TXLNG: variants seen among roughly 807,000 people sequenced by gnomAD.
The protein encoded by TXLNG is taxilin gamma.
In TXLNG, 5 loss-of-function variants were observed where a neutral mutation model predicts 38.8. That is an observed-to-expected ratio of 0.13 (90% CI 0.07 to 0.27). The LOEUF is 0.27. Ranked by LOEUF, TXLNG falls within the 10% of genes least tolerant of loss-of-function variation. TXLNG has a pLI of 1.00. For missense variants in TXLNG, 393 were observed against 398.2 expected, an observed-to-expected ratio of 0.99 and a Z score of 0.11; for synonymous variants, 182 against 158.2, an observed-to-expected ratio of 1.15 and a Z score of -1.13.
rs1291352062 is a variant in TXLNG at position 16,843,273 on chromosome X, C to G, written c.*1507C>G. 1 of 112,076 alleles carries G rather than the reference C, an allele frequency of 8.9e-6. No homozygotes were observed. Among genetic ancestry groups the G allele is most frequent in the Non-Finnish European group, 1.9e-5 (1 of 53,238 alleles). The allele number at this position is 112,076 out of a possible 1,213,427, so 9.2% of individuals were successfully genotyped here. Reference sequence around the variant, plus strand: ...GTTATTTGTAAAGTCCTGTCACATTCATGGTCGAAACTGGGTTGAAAGAAT... The same window carrying G: ...GTTATTTGTAAAGTCCTGTCACATTGATGGTCGAAACTGGGTTGAAAGAAT... On this transcript the variant is annotated 3_prime_UTR_variant, in exon 10 of 10. Coordinates refer to ENST00000380122, the MANE Select transcript of TXLNG (RefSeq NM_018360.3).
rs942615948 is a variant in TXLNG at position 16,842,727 on chromosome X, A to G, written c.*961A>G. On this transcript the variant is annotated 3_prime_UTR_variant, in exon 10 of 10. Transcript: ENST00000380122. The stretch of plus-strand genomic sequence containing the variant: ...AAAAATTCCACCAGCAAAGTACTCC[A>G]GGTTTTTCAAAAGGGAATTTTCATT... 1 of 112,277 alleles carries G rather than the reference A, an allele frequency of 8.9e-6. No homozygotes were observed. Among genetic ancestry groups the G allele is most frequent in the Admixed American group, 9.4e-5 (1 of 10,594 alleles). 9.3% of individuals were successfully genotyped at this position (112,277 alleles called of 1,213,427 possible). A position where few individuals can be genotyped will look rare whatever the true frequency, so the allele number is the denominator to read the frequency against.
At chrX:16,823,086 G>A (rs1929034926) in intron 3 of TXLNG, among the ~76,000 whole-genome samples, 1 of 111,683 alleles carries the variant, frequency 9.0e-6, no homozygotes, top group Non-Finnish European at 1.9e-5. Context: ...CTTTTATACA[G>A]ATTTGTGCCA....
rs766255568 is a variant in TXLNG at position 16,806,849 on chromosome X, G to A, written c.103-11725G>A. ...GGAGAATTGCTTGAACTCGGGAGGC[G>A]GAGGTTGCAGTGAGCCGAGGTCGTG... is the stretch of plus-strand genomic sequence containing the variant. On this transcript the variant is annotated intron_variant, in intron 1 of 9. Transcript: ENST00000380122. 6.5e-5 allele frequency among the ~76,000 whole-genome samples: 7 copies of A among 107,209 alleles called. No individual in the cohort carries two copies. The East Asian group carries it at 1.2e-3, about 18-fold the overall frequency. The allele number at this position is 107,209 out of a possible 115,157, so 93.1% of individuals were successfully genotyped here.
chrX:16,814,650 T>TGTA (rs1928664671), intron 1 of TXLNG, among the ~76,000 whole-genome samples: 11 of 109,852 alleles, frequency 1.0e-4, no homozygotes, highest in Admixed American at 8.8e-4. Context: ...AGGCCACATA[T>TGTA]TGTATAGCTC....
intron 1 of TXLNG, among the ~76,000 whole-genome samples, chrX:16,802,471 G>C (rs1462692182): frequency 9.1e-6 from 1 of 110,115 alleles, no homozygotes; most frequent in Admixed American, 9.8e-5. Flanking sequence ...GGCTGGTCTT[G>C]AACTCCTGAC....
intron 4 of TXLNG, 41 bp from the exon 5 acceptor site, chrX:16,829,535 A>G: frequency 8.7e-7 from 1 of 1,154,086 alleles, no homozygotes; most frequent in Non-Finnish European, 1.2e-6. Flanking sequence ...CATCTTCTCT[A>G]TAGGTCTGTA....
chrX:16,835,527 C>T (rs1929558159), intron 7 of TXLNG, among the ~76,000 whole-genome samples: 1 of 111,526 alleles, frequency 9.0e-6, no homozygotes, highest in Non-Finnish European at 1.9e-5. Context: ...GGAGAAGGTA[C>T]GAAGTCTCCA....
In TXLNG at chrX:16,843,066, G is replaced by A. The variant is rs748557096; in HGVS notation, c.*1300G>A. The A allele has an allele frequency of 4.4e-5, 5 of 112,529 alleles. No individual in the cohort carries two copies. Among genetic ancestry groups the A allele is most frequent in the Admixed American group, 9.4e-5 (1 of 10,631 alleles). The allele number at this position is 112,529 out of a possible 1,213,427, so 9.3% of individuals were successfully genotyped here. On this transcript the variant is annotated 3_prime_UTR_variant, in exon 10 of 10. Coordinates refer to ENST00000380122, the MANE Select transcript of TXLNG (RefSeq NM_018360.3). ...GATTAATCAGGCTGCACTGATGGAA[G>A]TTTTGACTTTGTCCCTGGTATAATT...
chrX:16,829,692 C>T lies in TXLNG; in HGVS notation c.786C>T (p.Asn262=), dbSNP rs747873072. The T allele has an allele frequency of 3.8e-5, 46 of 1,210,229 alleles. No homozygotes were observed. Among genetic ancestry groups the T allele is most frequent in the Non-Finnish European group, 4.9e-5 (44 of 895,310 alleles). The change falls in exon 5 of 10, where the codon AAC becomes AAT. Residue 262 remains asparagine (N), a synonymous_variant. Coordinates refer to ENST00000380122, the MANE Select transcript of TXLNG (RefSeq NM_018360.3). ...AGCTGGAGCAGCATGACATCCACAA[C>T]GCCAAACTCCGACAGGAAAACATTG... ...QAQLEQHDIH[N]AKLRQENIEL...
intron 1 of TXLNG, among the ~76,000 whole-genome samples, chrX:16,815,946 A>T (rs1333446752): frequency 9.0e-6 from 1 of 111,276 alleles, no homozygotes; most frequent in African/African-American, 3.3e-5. Flanking sequence ...ATGACATTTC[A>T]ATATTTGATT....
Position 16,786,529 on chromosome X carries a change from C to G in TXLNG, c.42C>G (p.Gly14=). 1 of 1,104,373 alleles carries G rather than the reference C, an allele frequency of 9.1e-7. No individual in the cohort carries two copies. The highest frequency in any genetic ancestry group is 1.2e-6 in the Non-Finnish European group (1 of 845,901). 91.0% of individuals were successfully genotyped at this position (1,104,373 alleles called of 1,213,427 possible). The change falls in exon 1 of 10, where the codon GGC becomes GGG. Residue 14 remains glycine (G), a synonymous_variant. Coordinates refer to ENST00000380122, the MANE Select transcript of TXLNG (RefSeq NM_018360.3). ...AGGAGGCAGCGCGGGGAAGAGGCGG[C>G]GGCGCCGAAGAGGCGACTGAGGCCG... ...RVEEAARGRG[G]GAEEATEAGR...
chrX:16,829,929 A>G (rs1041131597), intron 5 of TXLNG, among the ~76,000 whole-genome samples, 159 bp downstream of exon 5: 6 of 111,132 alleles, frequency 5.4e-5, no homozygotes, highest in Non-Finnish European at 1.9e-5. Flanking sequence ...CACAAATGAG[A>G]TCATCACTTG....
chrX:16,799,263 G>T (rs1191049084), intron 1 of TXLNG, among the ~76,000 whole-genome samples: 1 of 111,117 alleles, frequency 9.0e-6, no homozygotes, highest in Admixed American at 9.7e-5. Context: ...ATGGATACTT[G>T]GGTATTCATC....
chrX:16,801,097 C>T (rs1453264146), intron 1 of TXLNG, among the ~76,000 whole-genome samples: 2 of 112,975 alleles, frequency 1.8e-5, no homozygotes, highest in African/African-American at 3.2e-5. Flanking sequence ...TCGCCAGAAG[C>T]GATGCCAGCG....
Position 16,841,635 on chromosome X carries a change from C to T in TXLNG, c.1456C>T (p.His486Tyr). The T allele has an allele frequency of 1.7e-6, 2 of 1,211,576 alleles. No homozygotes were observed. Among genetic ancestry groups the T allele is most frequent in the Non-Finnish European group, 2.2e-6 (2 of 895,531 alleles). The change falls in exon 10 of 10, where the codon CAC becomes TAC. Residue 486 changes from histidine (H) to tyrosine (Y), a missense_variant. Physicochemically the swap from His to Tyr is moderately conservative, Grantham distance 83 (BLOSUM62 2). Coordinates refer to ENST00000380122, the MANE Select transcript of TXLNG (RefSeq NM_018360.3). ...GCAGCCCTGTACTGCCCTGGATTCT[C>T]ACAAGGAGCTGAACACTTCCTCGAA... ...VMQPCTALDS[H>Y]KELNTSSKRA...
chrX:16,812,009 CT>C (rs1182502888), intron 1 of TXLNG, among the ~76,000 whole-genome samples: 71 of 100,626 alleles, frequency 7.1e-4, no homozygotes, highest in Admixed American at 6.5e-4. Flanking sequence ...TTTTTTCTTT[CT>C]TTTTTTTTTT....
intron 1 of TXLNG, among the ~76,000 whole-genome samples, chrX:16,789,326 C>A (rs1482501529): frequency 9.1e-6 from 1 of 110,435 alleles, no homozygotes; most frequent in Non-Finnish European, 1.9e-5. Flanking sequence ...CTTGAGGTAA[C>A]CTTTTGCTTC....
chrX:16,798,914 T>C lies in TXLNG; in HGVS notation c.102+12325T>C, dbSNP rs750088501. Among the ~76,000 whole-genome samples the C allele has an allele frequency of 5.6e-5, 6 of 107,024 alleles. No homozygotes were observed. The South Asian group carries it at 2.5e-3, about 44-fold the overall frequency. The allele number at this position is 107,024 out of a possible 115,157, so 92.9% of individuals were successfully genotyped here. The stretch of plus-strand genomic sequence containing the variant: ...TTTTTTTTTTGAGACGGAGTTTCGC[T>C]CGTTTCCCAGGCTGGAGTGCAATGG... On this transcript the variant is annotated intron_variant, in intron 1 of 9. Coordinates refer to ENST00000380122, the MANE Select transcript of TXLNG (RefSeq NM_018360.3).
Position 16,816,580 on chromosome X carries a change from A to C in TXLNG, c.103-1994A>C, listed in dbSNP as rs774434376. On this transcript the variant is annotated intron_variant, in intron 1 of 9. Coordinates refer to ENST00000380122, the MANE Select transcript of TXLNG (RefSeq NM_018360.3). ...TTTTTAAAATCTTTTCAAATAACTTAAGAGTTTCAGTATTTGTAAGTTTTT... is the reference window on the plus strand; with the variant it reads ...TTTTTAAAATCTTTTCAAATAACTTCAGAGTTTCAGTATTTGTAAGTTTTT... Among the ~76,000 whole-genome samples the C allele has an allele frequency of 5.6e-3, 629 of 112,672 alleles. 3 individuals are homozygous for C. The highest frequency in any genetic ancestry group is 9.1e-3 in the Non-Finnish European group (488 of 53,379).
Sources: gnomAD v4.1 joint callset for allele counts (sites outside exome capture counted in the v4.1 genomes callset) on GRCh38, gnomAD v4.1.1 for gene constraint, MANE v1.5 for transcripts, NCBI Gene and HGNC (gene_info 2026-07-23, HGNC 2026-07-21) for gene names.